Variants in PLCL1 observed in about 807,000 individuals in gnomAD.
The protein encoded by PLCL1 is phospholipase C like 1 (inactive), also known as inactive phospholipase C-like protein 1.
In PLCL1, 41 loss-of-function variants were observed where a neutral mutation model predicts 84.4. The ratio of observed to expected loss-of-function variants is 0.49; its 90% CI spans 0.38 to 0.63. PLCL1 has a LOEUF of 0.63. PLCL1 is among the 30% of genes least tolerant of loss of function. PLCL1 has a pLI of 0.00. For synonymous variants in PLCL1, 490 were observed against 488.3 expected (o/e 1.00, Z -0.05); for missense variants, 1,206 against 1,367.8 (o/e 0.88, Z 1.87).
intron 1 of PLCL1, among the ~76,000 whole-genome samples, chr2:197,971,600 A>G (rs1215086753): frequency 6.6e-6 from 1 of 152,192 alleles, no homozygotes; most frequent in Admixed American, 6.5e-5. Flanking sequence ...ATTAGCAAAA[A>G]CTTGTCCACA....
intron 1 of PLCL1, among the ~76,000 whole-genome samples, chr2:197,833,738 G>T (rs1691120813): frequency 6.6e-6 from 1 of 152,130 alleles, no homozygotes. Flanking sequence ...TGGCCATACT[G>T]CCCAAAGTAA....
At chr2:197,964,021 G>A (rs978972683) in intron 1 of PLCL1, among the ~76,000 whole-genome samples, 1 of 152,102 alleles carries the variant, frequency 6.6e-6, no homozygotes, top group Non-Finnish European at 1.5e-5. Context: ...AGTATAACTT[G>A]AAGTCGGATA....
chr2:198,069,288 T>C (rs1692408385), intron 1 of PLCL1, among the ~76,000 whole-genome samples: 1 of 151,736 alleles, frequency 6.6e-6, no homozygotes, highest in Admixed American at 6.6e-5. Flanking sequence ...CCCAGGAGTT[T>C]GAAAACAGCT....
chr2:198,051,855 C>T (rs1450021902), intron 1 of PLCL1, among the ~76,000 whole-genome samples: 1 of 151,582 alleles, frequency 6.6e-6, no homozygotes, highest in South Asian at 2.1e-4. Context: ...GCCTCAGCCT[C>T]CCGAGTAGCT....
At chr2:197,929,934 G>A (rs1381965732) in intron 1 of PLCL1, among the ~76,000 whole-genome samples, 1 of 152,100 alleles carries the variant, frequency 6.6e-6, no homozygotes, top group East Asian at 1.9e-4. Flanking sequence ...ATTACCTAAA[G>A]TTGTTCTTTT....
chr2:198,045,632 G>C (rs1574270639), intron 1 of PLCL1, among the ~76,000 whole-genome samples: 2 of 152,174 alleles, frequency 1.3e-5, no homozygotes, highest in East Asian at 1.9e-4. Flanking sequence ...GGAATGGGAG[G>C]AAAGGAGGAA....
intron 1 of PLCL1, among the ~76,000 whole-genome samples, chr2:197,960,112 T>C (rs1689581329): frequency 6.6e-6 from 1 of 152,074 alleles, no homozygotes; most frequent in Non-Finnish European, 1.5e-5. Flanking sequence ...CTTCTCTGGG[T>C]TCCTCAGATC....
chr2:197,853,675 C>T (rs929223550), intron 1 of PLCL1, among the ~76,000 whole-genome samples: 5 of 152,256 alleles, frequency 3.3e-5, no homozygotes, highest in African/African-American at 1.2e-4. Context: ...TTGTAATGGC[C>T]TTTCTTACCT....
intron 5 of PLCL1, among the ~76,000 whole-genome samples, chr2:198,129,270 G>A (rs536147143): frequency 1.3e-5 from 2 of 152,190 alleles, no homozygotes; most frequent in African/African-American, 4.8e-5. Flanking sequence ...TGAATAGGAA[G>A]CATTTGCCAT....
chr2:197,854,793 A>G (rs1687300008), intron 1 of PLCL1, among the ~76,000 whole-genome samples: 1 of 152,164 alleles, frequency 6.6e-6, no homozygotes, highest in Non-Finnish European at 1.5e-5. Flanking sequence ...AGTTGCCTGA[A>G]TTAATTATGG....
chr2:197,955,850 T>C (rs1278436046), intron 1 of PLCL1, among the ~76,000 whole-genome samples: 2 of 152,074 alleles, frequency 1.3e-5, no homozygotes, highest in East Asian at 3.9e-4. Context: ...ATGTGCAGAA[T>C]GTGCAGGTTT....
intron 5 of PLCL1, among the ~76,000 whole-genome samples, chr2:198,120,050 T>C (rs1434164469): frequency 6.6e-5 from 10 of 152,042 alleles, no homozygotes; most frequent in Non-Finnish European, 1.5e-5. Context: ...ATTGGATGCC[T>C]ATGTGTCATT....
At chr2:197,948,173 G>A (rs1689319315) in intron 1 of PLCL1, among the ~76,000 whole-genome samples, 1 of 152,132 alleles carries the variant, frequency 6.6e-6, no homozygotes, top group Non-Finnish European at 1.5e-5. Context: ...GCTGATGGAT[G>A]GGAGGATATG....
At chr2:197,885,491 G>A (rs1687903944) in intron 1 of PLCL1, among the ~76,000 whole-genome samples, 1 of 152,282 alleles carries the variant, frequency 6.6e-6, no homozygotes, top group South Asian at 2.1e-4. Context: ...TGCCCACAGT[G>A]GGGAGGGCAA....
At chr2:198,146,271 A>G (rs1421134882) in intron 5 of PLCL1, among the ~76,000 whole-genome samples, 1 of 152,206 alleles carries the variant, frequency 6.6e-6, no homozygotes, top group Non-Finnish European at 1.5e-5. Context: ...AGGATGACCC[A>G]GTATATTAAA....
chr2:197,847,204 T>C (rs1687135033), intron 1 of PLCL1, among the ~76,000 whole-genome samples: 1 of 151,866 alleles, frequency 6.6e-6, no homozygotes. Flanking sequence ...CCCGGGGGGG[T>C]AATCTCATTA....
At chr2:198,093,200 A>G (rs1693093708) in intron 3 of PLCL1, among the ~76,000 whole-genome samples, 1 of 152,240 alleles carries the variant, frequency 6.6e-6, no homozygotes, top group African/African-American at 2.4e-5. Flanking sequence ...ATTCTGTATG[A>G]AACTGTAATG....
At chr2:198,133,027 A>T in intron 5 of PLCL1, among the ~76,000 whole-genome samples, 1 of 151,688 alleles carries the variant, frequency 6.6e-6, no homozygotes, top group Non-Finnish European at 1.5e-5. Flanking sequence ...GAAGGGATCC[A>T]GTTTCAGCTT....
rs560952966 is a variant in PLCL1, at chr2:197,906,238, T to C, written c.240+100899T>C. On this transcript the variant is annotated intron_variant, in intron 1 of 5. Transcript: ENST00000428675. ...TCTTTAATCCATCTTGAGTTAATTT[T>C]TGTGTAAGGTGTAAGGAAGGGGCCC... is the stretch of plus-strand genomic sequence containing the variant. Among the ~76,000 whole-genome samples, 4 of 152,320 alleles carry C rather than the reference T, an allele frequency of 2.6e-5. No homozygotes were observed. In the South Asian group the frequency reaches 6.2e-4, roughly 24 times the overall value.
Sources: allele counts gnomAD v4.1 joint callset (sites outside exome capture counted in the v4.1 genomes callset), GRCh38; gene constraint gnomAD v4.1.1; transcripts MANE v1.5; gene names NCBI Gene and HGNC (gene_info 2026-07-23, HGNC 2026-07-21).